The following CCDC171 variants were observed in gnomAD, a reference collection of about 807,000 sequenced individuals.
The protein encoded by CCDC171 is coiled-coil domain containing 171.
Under a neutral mutation model 168.2 loss-of-function variants are expected in CCDC171, and 177 were observed. The ratio of observed to expected loss-of-function variants is 1.05; its 90% CI spans 0.93 to 1.19. The LOEUF is 1.19. CCDC171 is among the 50% of genes most tolerant of loss of function. CCDC171 has a pLI of 0.00. For missense variants in CCDC171, 1,991 were observed against 1,539.0 expected, an observed-to-expected ratio of 1.29 and a Z score of -4.91; for synonymous variants, 687 against 540.8, an observed-to-expected ratio of 1.27 and a Z score of -3.75.
At chr9:15,797,289 T>TC (rs1214328578) in intron 21 of CCDC171, among the ~76,000 whole-genome samples, 1 of 152,156 alleles carries the variant, frequency 6.6e-6, no homozygotes, top group East Asian at 1.9e-4. Context: ...CTATCATGGG[T>TC]CACTGCAACC....
chr9:15,630,519 C>T (rs1587571032), intron 7 of CCDC171, among the ~76,000 whole-genome samples: 2 of 152,158 alleles, frequency 1.3e-5, no homozygotes, highest in Non-Finnish European at 2.9e-5. Context: ...CACGAAGATT[C>T]ATAAAGCAAG....
chr9:16,072,699 C>T, the CCDC171 span, among the ~76,000 whole-genome samples: 2 of 152,130 alleles, frequency 1.3e-5, no homozygotes, highest in Non-Finnish European at 2.9e-5. Context: ...GCCGCCAAAG[C>T]ACAGTGCTCA....
rs772356817 is a variant in CCDC171 at position 15,564,140 on chromosome 9, A to G, written c.41+11A>G. 6.3e-7 allele frequency: 1 copy of G among 1,599,392 alleles called. No individual in the cohort carries two copies. Among genetic ancestry groups the G allele is most frequent in the African/African-American group, 1.3e-5 (1 of 74,290 alleles). ...TGGTGATACCCAAAGGTAAGCCTCT[A>G]GTCTCTTCTTTTAGTTGATGAACGT... On this transcript the variant is annotated intron_variant, in intron 2 of 25. Transcript: ENST00000380701.
chr9:15,858,385 C>G (rs781454985), intron 23 of CCDC171, among the ~76,000 whole-genome samples: 4 of 151,924 alleles, frequency 2.6e-5, no homozygotes, highest in Non-Finnish European at 4.4e-5. Context: ...TTTTCAAGCT[C>G]TTTTTGGCTA....
At chr9:15,748,586 AC>A (rs2055471615) in intron 18 of CCDC171, among the ~76,000 whole-genome samples, 2 of 152,200 alleles carry the variant, frequency 1.3e-5, no homozygotes, top group Non-Finnish European at 2.9e-5. Context: ...AGGTCGGGTT[AC>A]CCACAAAGGG....
At chr9:15,700,380 C>T (rs956293032) in intron 11 of CCDC171, among the ~76,000 whole-genome samples, 4 of 152,254 alleles carry the variant, frequency 2.6e-5, no homozygotes, top group African/African-American at 9.6e-5. Context: ...TCCAGCTGGC[C>T]TGCAAGCGCT....
chr9:15,733,627 T>C (rs949709907), intron 16 of CCDC171, among the ~76,000 whole-genome samples: 1 of 151,574 alleles, frequency 6.6e-6, no homozygotes, highest in African/African-American at 2.4e-5. Flanking sequence ...GTTCCATTTA[T>C]TTATGTGTCT....
intron 3 of CCDC171, among the ~76,000 whole-genome samples, chr9:16,020,074 C>T (rs187426541): frequency 2.6e-5 from 4 of 152,270 alleles, no homozygotes; most frequent in Admixed American, 2.0e-4. Flanking sequence ...GGCTGAGCAT[C>T]CTTAATCTGC....
At position 15,934,385 on chromosome 9, in the gene CCDC171, G is replaced by C. The variant is rs1313224741; in HGVS notation, c.3753+13963G>C. ...AGCCTGGGCAACAGTGTGAGACCCT[G>C]TCTCAAAAAAAAAAAAAAAAGAAAA... On this transcript the variant is annotated intron_variant, in intron 25 of 25. Coordinates refer to ENST00000380701, the MANE Select transcript of CCDC171 (RefSeq NM_173550.4). 5.3e-5 allele frequency among the ~76,000 whole-genome samples: 4 copies of C among 75,226 alleles called. No homozygotes were observed. The Admixed American group carries it at 5.7e-4, about 11-fold the overall frequency. 49.4% of individuals were successfully genotyped at this position (75,226 alleles called of 152,430 possible).
intron 23 of CCDC171, among the ~76,000 whole-genome samples, chr9:15,866,307 G>T (rs1319030923): frequency 6.6e-6 from 1 of 151,976 alleles, no homozygotes; most frequent in Non-Finnish European, 1.5e-5. Context: ...GTGGTTTTAA[G>T]AGCCACAAGT....
chr9:15,937,939 G>C lies in CCDC171; in HGVS notation c.3753+17517G>C, dbSNP rs1197510095. Among the ~76,000 whole-genome samples the C allele has an allele frequency of 3.3e-5, 5 of 151,898 alleles. No homozygotes were observed. The East Asian group carries it at 7.8e-4, about 24-fold the overall frequency. ...TAATTGTGAGGAATGGATGGGTGAA[G>C]AGATGGGTTGGTAATATAGTATGTA... is the stretch of plus-strand genomic sequence containing the variant. On this transcript the variant is annotated intron_variant, in intron 25 of 25. Coordinates refer to ENST00000380701, the MANE Select transcript of CCDC171 (RefSeq NM_173550.4).
intron 3 of CCDC171, among the ~76,000 whole-genome samples, chr9:16,006,814 C>G (rs1832711494): frequency 6.6e-6 from 1 of 152,174 alleles, no homozygotes; most frequent in African/African-American, 2.4e-5. Flanking sequence ...GCCACATTTT[C>G]TTAATGCAGT....
chr9:16,065,666 A>G (rs758029214), downstream of CCDC171, among the ~76,000 whole-genome samples: 1 of 152,172 alleles, frequency 6.6e-6, no homozygotes, highest in Admixed American at 6.5e-5. Context: ...AAACATGATG[A>G]CATTATTCAC....
intron 11 of CCDC171, among the ~76,000 whole-genome samples, chr9:15,712,892 A>G (rs985111279): frequency 1.3e-5 from 2 of 152,218 alleles, no homozygotes; most frequent in Non-Finnish European, 2.9e-5. Flanking sequence ...TGTAAAGACA[A>G]AGATGGCTAG....
At chr9:15,710,665 A>C (rs1052898471) in intron 11 of CCDC171, among the ~76,000 whole-genome samples, 5 of 151,526 alleles carry the variant, frequency 3.3e-5, no homozygotes, top group African/African-American at 1.2e-4. Flanking sequence ...GCACAATCTC[A>C]GCTCACTGCA....
At chr9:15,732,384 C>T (rs2054204667) in intron 16 of CCDC171, among the ~76,000 whole-genome samples, 1 of 151,954 alleles carries the variant, frequency 6.6e-6, no homozygotes, top group African/African-American at 2.4e-5. Flanking sequence ...TTCATTTTTT[C>T]CCTCTTCATT....
intron 3 of CCDC171, among the ~76,000 whole-genome samples, chr9:15,979,766 T>C (rs1360002575): frequency 6.6e-6 from 1 of 151,960 alleles, no homozygotes; most frequent in African/African-American, 2.4e-5. Context: ...TTGTGATATC[T>C]TTATCTAGTA....
intron 24 of CCDC171, among the ~76,000 whole-genome samples, chr9:15,907,886 C>T (rs993847528): frequency 3.3e-5 from 5 of 152,152 alleles, no homozygotes; most frequent in African/African-American, 1.2e-4. Context: ...CTTATGCAGC[C>T]AACAGACACA....
At chr9:15,567,286 C>T (rs936306890) in intron 2 of CCDC171, among the ~76,000 whole-genome samples, 1 of 152,178 alleles carries the variant, frequency 6.6e-6, no homozygotes, top group Non-Finnish European at 1.5e-5. Context: ...TCCCACAGTG[C>T]TGGGATTACA....
Sources: gnomAD v4.1 joint callset for allele counts (sites outside exome capture counted in the v4.1 genomes callset) on GRCh38, gnomAD v4.1.1 for gene constraint, MANE v1.5 for transcripts, NCBI Gene and HGNC (gene_info 2026-07-23, HGNC 2026-07-21) for gene names.